The following ATF7IP2 variants were observed in gnomAD, a reference collection of about 807,000 sequenced individuals.
The protein encoded by ATF7IP2 is activating transcription factor 7 interacting protein 2, also known as activating transcription factor 7-interacting protein 2.
Under a neutral mutation model 64.2 loss-of-function variants are expected in ATF7IP2, and 42 were observed. The observed-to-expected ratio is 0.65, with a 90% CI of 0.51 to 0.85. ATF7IP2 has a LOEUF of 0.85. ATF7IP2 is among the 40% of genes least tolerant of loss of function. The pLI, the probability that ATF7IP2 is intolerant of heterozygous loss-of-function variation, is 0.00. For synonymous variants in ATF7IP2, 308 were observed against 272.8 expected (o/e 1.13, Z -1.27); for missense variants, 933 against 784.2 (o/e 1.19, Z -2.27).
intron 1 of ATF7IP2, among the ~76,000 whole-genome samples, chr16:10,388,048 G>A (rs1375983241): frequency 6.6e-6 from 1 of 151,816 alleles, no homozygotes; most frequent in East Asian, 1.9e-4. Context: ...GATTATAGGC[G>A]CCCGACTAGT....
At chr16:10,456,064 C>T (rs527671200) in intron 8 of ATF7IP2, among the ~76,000 whole-genome samples, 1 of 152,012 alleles carries the variant, frequency 6.6e-6, no homozygotes, top group South Asian at 2.1e-4. Context: ...ACTGCAACAT[C>T]CGCCTCCTGG....
intron 12 of ATF7IP2, among the ~76,000 whole-genome samples, chr16:10,478,533 C>T (rs1469869171): frequency 1.3e-5 from 2 of 152,144 alleles, no homozygotes; most frequent in African/African-American, 2.4e-5. Context: ...AAACGTTAGA[C>T]CTAAAACCAT....
chr16:10,422,099 A>G (rs1001987183), intron 3 of ATF7IP2, among the ~76,000 whole-genome samples: 3 of 152,216 alleles, frequency 2.0e-5, no homozygotes, highest in African/African-American at 7.2e-5. Context: ...AAAACTGGAG[A>G]ATTCCAAGGG....
chr16:10,440,546 C>T, intron 8 of ATF7IP2, 84 bp downstream of exon 8: 1 of 807,392 alleles, frequency 1.2e-6, no homozygotes, highest in South Asian at 1.8e-5. Flanking sequence ...TATTTCCAGG[C>T]TAGGACAGAA....
intron 10 of ATF7IP2, among the ~76,000 whole-genome samples, chr16:10,473,224 C>T (rs1374633878): frequency 6.6e-6 from 1 of 152,012 alleles, no homozygotes; most frequent in Non-Finnish European, 1.5e-5. Flanking sequence ...ATGGAAATTT[C>T]TAGGTAGATT....
intron 3 of ATF7IP2, among the ~76,000 whole-genome samples, chr16:10,427,602 T>C (rs1055080142): frequency 9.2e-5 from 14 of 152,166 alleles, no homozygotes; most frequent in Admixed American, 8.5e-4. Context: ...GGAAATGTAA[T>C]CCCAGCACTT....
intron 1 of ATF7IP2, among the ~76,000 whole-genome samples, chr16:10,389,866 G>A (rs1017959345): frequency 6.6e-6 from 1 of 152,184 alleles, no homozygotes; most frequent in Non-Finnish European, 1.5e-5. Flanking sequence ...GTCATTATGA[G>A]ATTAACTGCC....
intron 13 of ATF7IP2, 129 bp from the exon 14 acceptor site, chr16:10,481,707 C>G (rs2050236812): frequency 2.6e-6 from 2 of 776,436 alleles, no homozygotes; most frequent in Non-Finnish European, 4.0e-6. Context: ...AGGACTGGAT[C>G]CAGCCTCACA....
At chr16:10,444,132 G>C (rs559122580) in intron 8 of ATF7IP2, among the ~76,000 whole-genome samples, 6 of 152,194 alleles carry the variant, frequency 3.9e-5, no homozygotes, top group Admixed American at 3.9e-4. Flanking sequence ...AACAAGACAA[G>C]CATCAAATGT....
intron 8 of ATF7IP2, among the ~76,000 whole-genome samples, chr16:10,444,354 G>C (rs1203145151): frequency 6.6e-6 from 1 of 152,148 alleles, no homozygotes; most frequent in East Asian, 1.9e-4. Flanking sequence ...TAACGGTCCA[G>C]ACTGCTGTCT....
intron 9 of ATF7IP2, among the ~76,000 whole-genome samples, chr16:10,470,083 C>G (rs2049734853): frequency 6.6e-6 from 1 of 151,930 alleles, no homozygotes; most frequent in Non-Finnish European, 1.5e-5. Flanking sequence ...TGGATCTGTA[C>G]AAAGTAATAT....
chr16:10,442,721 G>A (rs78995526), intron 8 of ATF7IP2, among the ~76,000 whole-genome samples: 2,066 of 152,236 alleles, frequency 0.014, 21 homozygotes, highest in African/African-American at 0.022. Flanking sequence ...TCACGATACA[G>A]ACTCCATCTT....
intron 1 of ATF7IP2, among the ~76,000 whole-genome samples, chr16:10,389,754 A>G (rs1221604100): frequency 1.3e-5 from 2 of 152,228 alleles, no homozygotes; most frequent in African/African-American, 2.4e-5. Context: ...ATTTTATACT[A>G]TTACATTGAT....
intron 6 of ATF7IP2, among the ~76,000 whole-genome samples, chr16:10,436,481 A>G (rs1405631336): frequency 6.6e-6 from 1 of 152,124 alleles, no homozygotes; most frequent in Non-Finnish European, 1.5e-5. Flanking sequence ...TGTCTAATGT[A>G]GAGAAACCAT....
At chr16:10,421,061 T>G (rs556466975) in intron 3 of ATF7IP2, among the ~76,000 whole-genome samples, 2 of 152,354 alleles carry the variant, frequency 1.3e-5, no homozygotes, top group South Asian at 2.1e-4. Context: ...GTTTGCCAAG[T>G]AAGACTATTT....
At chr16:10,394,657 T>C (rs1297247953) in intron 1 of ATF7IP2, among the ~76,000 whole-genome samples, 1 of 152,058 alleles carries the variant, frequency 6.6e-6, no homozygotes, top group African/African-American at 2.4e-5. Flanking sequence ...ACTGAAATTA[T>C]GGGAAAGAAC....
chr16:10,408,874 T>C (rs758994395), intron 1 of ATF7IP2, among the ~76,000 whole-genome samples: 9 of 152,230 alleles, frequency 5.9e-5, no homozygotes, highest in Non-Finnish European at 1.0e-4. Flanking sequence ...TTTGTTTTTG[T>C]TGCATTTGCT....
chr16:10,412,079 G>C (rs1275343616), intron 1 of ATF7IP2, among the ~76,000 whole-genome samples: 1 of 128,494 alleles, frequency 7.8e-6, no homozygotes, highest in Non-Finnish European at 1.6e-5. Context: ...CAAGGTACAG[G>C]TTTGTTACAT....
chr16:10,423,189 A>G (rs1029493963), intron 3 of ATF7IP2, among the ~76,000 whole-genome samples: 11 of 152,152 alleles, frequency 7.2e-5, no homozygotes, highest in African/African-American at 2.4e-4. Context: ...GCTGGCAGTG[A>G]GCCGAGACCA....
Sources: gnomAD v4.1 joint callset for allele counts (sites outside exome capture counted in the v4.1 genomes callset) on GRCh38, gnomAD v4.1.1 for gene constraint, MANE v1.5 for transcripts, NCBI Gene and HGNC (gene_info 2026-07-23, HGNC 2026-07-21) for gene names.